WDFY3: variants seen among roughly 807,000 people sequenced by gnomAD.
WDFY3 encodes the protein WD repeat and FYVE domain-containing protein 3.
A neutral mutation model predicts 409.6 loss-of-function variants in WDFY3; 66 were observed. The observed-to-expected ratio is 0.16, with a 90% confidence interval of 0.13 to 0.20. The LOEUF is 0.20. Ranked by LOEUF, WDFY3 falls within the 10% of genes least tolerant of loss-of-function variation. WDFY3 has a pLI of 1.00. For missense variants in WDFY3, 3,031 were observed against 4,298.1 expected (o/e 0.71, Z 8.24); for synonymous variants, 1,521 against 1,537.1 (o/e 0.99, Z 0.25).
chr4:84,956,746 T>A (rs1459181876), intron 1 of WDFY3, among the ~76,000 whole-genome samples: 1 of 152,118 alleles, frequency 6.6e-6, no homozygotes, highest in Admixed American at 6.5e-5. Flanking sequence ...CTTTACTAAG[T>A]AGGGCTTCAG....
chr4:84,960,421 A>G (rs1774763396), intron 1 of WDFY3, among the ~76,000 whole-genome samples: 1 of 152,102 alleles, frequency 6.6e-6, no homozygotes, highest in Non-Finnish European at 1.5e-5. Context: ...CTTCCACTCA[A>G]CTGTAAGCTC....
chr4:84,914,365 G>A (rs1280088516), intron 2 of WDFY3, among the ~76,000 whole-genome samples: 1 of 152,138 alleles, frequency 6.6e-6, no homozygotes, highest in African/African-American at 2.4e-5. Context: ...AGTGGTCCGA[G>A]ATAGCGCCAT....
chr4:84,865,672 T>C (rs1761286755), intron 3 of WDFY3, among the ~76,000 whole-genome samples: 1 of 152,236 alleles, frequency 6.6e-6, no homozygotes, highest in Non-Finnish European at 1.5e-5. Flanking sequence ...TCCTTGTTCT[T>C]TTCCAAGTTG....
chr4:84,719,231 T>C lies in WDFY3; in HGVS notation c.7606-661A>G, dbSNP rs142190842. ...GAACTGTAGAATTTGTTTCTATTCATTCCCCACCTGGATTCTGCTCCCTGG... is the reference window on the plus strand; with the variant it reads ...GAACTGTAGAATTTGTTTCTATTCACTCCCCACCTGGATTCTGCTCCCTGG... On this transcript the variant is annotated intron_variant, in intron 47 of 67. Coordinates refer to ENST00000295888, the MANE Select transcript of WDFY3 (RefSeq NM_014991.6). Among the ~76,000 whole-genome samples the C allele has an allele frequency of 4.3e-3, 657 of 152,338 alleles. 4 individuals carry two copies. Among genetic ancestry groups the C allele is most frequent in the African/African-American group, 0.015 (615 of 41,588 alleles).
intron 2 of WDFY3, among the ~76,000 whole-genome samples, chr4:84,916,581 A>T (rs1235509482): frequency 6.6e-6 from 1 of 152,210 alleles, no homozygotes; most frequent in Non-Finnish European, 1.5e-5. Flanking sequence ...CTAATGCAGC[A>T]CTTCAACTGG....
chr4:84,850,332 T>TTG (rs34222039), intron 4 of WDFY3, among the ~76,000 whole-genome samples: 2 of 151,000 alleles, frequency 1.3e-5, no homozygotes, highest in African/African-American at 4.9e-5. Flanking sequence ...TCTTTTTTTT[T>TTG]GGGGGGGACA....
Position 84,769,713 on chromosome 4 carries a change from C to T in WDFY3, c.4849+3122G>A, listed in dbSNP as rs549970078. ...CTGGGATTACAGGCATGAGCCACCG[C>T]GCCCGGCCTGCTTTTATTATTTTTT... On this transcript the variant is annotated intron_variant, in intron 30 of 67. Coordinates refer to ENST00000295888, the MANE Select transcript of WDFY3 (RefSeq NM_014991.6). Among the ~76,000 whole-genome samples, 32 of 152,234 alleles carry T rather than the reference C, an allele frequency of 2.1e-4. 1 individual carries two copies. The Middle Eastern group carries it at 0.014, about 65-fold the overall frequency.
At chr4:84,880,670 C>CATATATATAT (rs1412358154) in intron 3 of WDFY3, among the ~76,000 whole-genome samples, 1 of 55,204 alleles carries the variant, frequency 1.8e-5, no homozygotes, top group African/African-American at 8.1e-5. Context: ...ATAAGGGAAC[C>CATATATATAT]ATACATATAT....
At position 84,672,697 on chromosome 4, in the gene WDFY3, T is replaced by C. The variant is rs539437657; in HGVS notation, c.*171A>G. The C allele has an allele frequency of 4.3e-6, 4 of 938,514 alleles. No homozygotes were observed. The African/African-American group carries it at 6.6e-5, about 15-fold the overall frequency. 58.1% of individuals were successfully genotyped at this position (938,514 alleles called of 1,614,324 possible). On this transcript the variant is annotated 3_prime_UTR_variant, in exon 68 of 68. Coordinates refer to ENST00000295888, the MANE Select transcript of WDFY3 (RefSeq NM_014991.6). The stretch of plus-strand genomic sequence containing the variant: ...GTTCACCTGAATCGCGTCTGCCCCA[T>C]TCCTGTACTCTACACCCGTTTTATT...
In WDFY3 at chr4:84,679,132, G is replaced by A. The variant is rs745698880; in HGVS notation, c.9934C>T (p.Arg3312Trp). 10 of 1,614,092 alleles carry A rather than the reference G, an allele frequency of 6.2e-6. No individual in the cohort carries two copies. Among genetic ancestry groups the A allele is most frequent in the South Asian group, 5.5e-5 (5 of 91,072 alleles). Reference sequence around the variant, plus strand: ...GCTGTTGCGCGGCAGGAGGCTGCCCGGGGCCTGTGGCTGGTGCTGCTGGGT... The same window carrying A: ...GCTGTTGCGCGGCAGGAGGCTGCCCAGGGCCTGTGGCTGGTGCTGCTGGGT... ...SQPSSTSHRP[R>W]AASCRATAAW... Residue 3312 changes from arginine to tryptophan, a missense_variant, in exon 65 of 68, where the codon CGG becomes TGG. Arg to Trp is a moderately radical substitution (Grantham distance 101). Transcript: ENST00000295888.
chr4:84,881,503 T>A (rs1235053597), intron 3 of WDFY3, among the ~76,000 whole-genome samples: 1 of 152,116 alleles, frequency 6.6e-6, no homozygotes, highest in Non-Finnish European at 1.5e-5. Context: ...TCCTTTTATT[T>A]TGAGGGCTGA....
At chr4:84,678,341 A>G (rs1257611228) in intron 65 of WDFY3, 62 bp from the exon 66 acceptor site, 12 of 1,258,516 alleles carry the variant, frequency 9.5e-6, no homozygotes, top group African/African-American at 7.4e-5. Context: ...ACTGGGGAGA[A>G]CTACTCTAAG....
In WDFY3 at chr4:84,860,241, A is replaced by T. The variant is rs1760416166; in HGVS notation, c.180+171T>A. ...ATGTAGTTTATTCTGACCAGGTTTC[A>T]CATCAAGTCACACTGCTTTATAGCA... On this transcript the variant is annotated intron_variant, in intron 4 of 67. Transcript: ENST00000295888. Among the ~76,000 whole-genome samples, 2 of 152,242 alleles carry T rather than the reference A, an allele frequency of 1.3e-5. 1 individual carries two copies. The highest frequency in any genetic ancestry group is 1.3e-4 in the Admixed American group (2 of 15,276).
intron 3 of WDFY3, among the ~76,000 whole-genome samples, chr4:84,883,518 G>C (rs1763813706): frequency 6.6e-6 from 1 of 152,036 alleles, no homozygotes; most frequent in Non-Finnish European, 1.5e-5. Flanking sequence ...AACCCCTCTG[G>C]CAGTGAGGAA....
At chr4:84,942,379 G>C (rs758787269) in intron 1 of WDFY3, among the ~76,000 whole-genome samples, 3 of 151,758 alleles carry the variant, frequency 2.0e-5, no homozygotes, top group Non-Finnish European at 4.4e-5. Context: ...AAAAGATGTC[G>C]ACACTTACTT....
intron 49 of WDFY3, among the ~76,000 whole-genome samples, chr4:84,716,519 G>T (rs1034309031): frequency 7.0e-6 from 1 of 142,328 alleles, no homozygotes; most frequent in Admixed American, 7.1e-5. Flanking sequence ...ATTTTCGGCC[G>T]GGCGCGGTGG....
At chr4:84,704,179 A>C (rs1731546187) in intron 55 of WDFY3, among the ~76,000 whole-genome samples, 159 bp downstream of exon 55, 1 of 152,194 alleles carries the variant, frequency 6.6e-6, no homozygotes. Flanking sequence ...TCATTAATCA[A>C]TTTTGGTCCA....
At chr4:84,920,372 A>G (rs1179549460) in intron 2 of WDFY3, among the ~76,000 whole-genome samples, 1 of 152,200 alleles carries the variant, frequency 6.6e-6, no homozygotes, top group African/African-American at 2.4e-5. Context: ...AAATCTACAC[A>G]AAAACATTTA....
rs767879123 is a variant in WDFY3, at chr4:84,798,021, T to A, written c.2910A>T (p.Ser970=). The change falls in exon 18 of 68, where the codon TCA becomes TCT. Residue 970 remains serine, a synonymous_variant. Transcript: ENST00000295888. ...TTCTCATTTCTGGTTCATAACTCAG[T>A]GAACTTGGTTTGTGGACCCTATATT... ...LKQYRVHKPS[S]LSYEPEMRSS... is the part of the protein sequence containing the mutation. 1 of 1,612,506 alleles carries A rather than the reference T, an allele frequency of 6.2e-7. No homozygotes were observed. The highest frequency in any genetic ancestry group is 8.5e-7 in the Non-Finnish European group (1 of 1,179,432).
Sources: allele counts gnomAD v4.1 joint callset (sites outside exome capture counted in the v4.1 genomes callset), GRCh38; gene constraint gnomAD v4.1.1; transcripts MANE v1.5; gene names NCBI Gene and HGNC (gene_info 2026-07-23, HGNC 2026-07-21).